The following RET variants were observed in gnomAD, a reference collection of about 807,000 sequenced individuals.
RET encodes proto-oncogene tyrosine-protein kinase receptor Ret.
A neutral mutation model predicts 118.3 loss-of-function variants in RET; 19 were observed. The observed-to-expected ratio is 0.16, with a 90% CI of 0.11 to 0.24. The LOEUF is 0.24. RET is among the 10% of genes least tolerant of loss of function. The pLI is 1.00. For synonymous variants in RET, 597 were observed against 644.1 expected (o/e 0.93, Z 1.11); for missense variants, 1,219 against 1,502.1 (o/e 0.81, Z 3.12).
At chr10:43,077,854 A>G (rs1837085237) in intron 1 of RET, among the ~76,000 whole-genome samples, 1 of 152,162 alleles carries the variant, frequency 6.6e-6, no homozygotes, top group African/African-American at 2.4e-5. Flanking sequence ...GCTCTTTTGA[A>G]AAGATTGCTT....
chr10:43,102,878 C>T (rs1588864375), intron 3 of RET: 5 of 582,588 alleles, frequency 8.6e-6, no homozygotes, highest in East Asian at 2.9e-5. Context: ...GCAGACAGAG[C>T]GTCTGAGCAT....
intron 5 of RET, among the ~76,000 whole-genome samples, chr10:43,107,744 A>G (rs1837817798): frequency 6.6e-6 from 1 of 152,170 alleles, no homozygotes; most frequent in Non-Finnish European, 1.5e-5. Context: ...GTGGAGTTAC[A>G]GTTTGCTTTT....
intron 15 of RET, 121 bp from the exon 16 acceptor site, chr10:43,121,825 G>A: frequency 1.3e-6 from 1 of 777,652 alleles, no homozygotes; most frequent in Non-Finnish European, 2.4e-6. Context: ...CTGTGCCCAG[G>A]AGTGTCTACA....
chr10:43,102,159 G>A, intron 2 of RET, 183 bp from the exon 3 acceptor site: 1 of 719,128 alleles, frequency 1.4e-6, no homozygotes, highest in Non-Finnish European at 2.4e-6. Flanking sequence ...CATTGGTGCT[G>A]GGCAGCAGGG....
intron 1 of RET, among the ~76,000 whole-genome samples, chr10:43,099,871 C>T (rs960513555): frequency 2.6e-5 from 4 of 152,230 alleles, no homozygotes; most frequent in African/African-American, 9.6e-5. Context: ...TTTTCCATTG[C>T]TGGGCAGGAT....
chr10:43,127,379 G>A, intron 19 of RET: 1 of 1,063,526 alleles, frequency 9.4e-7, no homozygotes. Flanking sequence ...TATGAAGTCA[G>A]TGCTAAAGCT....
Position 43,128,930 on chromosome 10 carries a change from G to T in RET, c.*661G>T, listed in dbSNP as rs1838391752. 1 of 239,862 alleles carries T rather than the reference G, an allele frequency of 4.2e-6. No homozygotes were observed. The highest frequency in any genetic ancestry group is 8.2e-6 in the Non-Finnish European group (1 of 121,838). 14.9% of individuals were successfully genotyped at this position (239,862 alleles called of 1,614,324 possible). ...TTCATCATGATTAAGATGATTCCTA[G>T]ATTTAGCACAATGGAGAGATTCCAT... On this transcript the variant is annotated 3_prime_UTR_variant, in exon 20 of 20. Transcript: ENST00000355710.
rs2132768674 is a variant in RET at position 43,111,293 on chromosome 10, C to T, written c.1350C>T (p.Ser450=). ...TGCATTCCTCTGGTGCCAACTGCAG[C>T]ACGCTAGGGGTGGTCACCTCAGCCG... is the stretch of plus-strand genomic sequence containing the variant. The part of the protein sequence containing the change: ...YKLHSSGANC[S]TLGVVTSAED... The change falls in exon 7 of 20, where the codon AGC becomes AGT. Residue 450 remains serine, a synonymous_variant. Transcript: ENST00000355710. The T allele has an allele frequency of 6.2e-7, 1 of 1,614,186 alleles. No homozygotes were observed. Among genetic ancestry groups the T allele is most frequent in the Non-Finnish European group, 8.5e-7 (1 of 1,180,048 alleles).
chr10:43,112,820 C>T (rs1837970386), intron 8 of RET, 33 bp from the exon 9 acceptor site: 2 of 1,581,804 alleles, frequency 1.3e-6, no homozygotes, highest in Middle Eastern at 1.7e-4. Flanking sequence ...GGGGCTCCCA[C>T]ATGGGTGACA....
chr10:43,077,971 C>G (rs72781212), intron 1 of RET, among the ~76,000 whole-genome samples: 1 of 152,232 alleles, frequency 6.6e-6, no homozygotes, highest in African/African-American at 2.4e-5. Flanking sequence ...CCCGGCAGCC[C>G]TGGAGTCGTG....
At chr10:43,080,743 G>A (rs1465544692) in intron 1 of RET, among the ~76,000 whole-genome samples, 6 of 152,256 alleles carry the variant, frequency 3.9e-5, no homozygotes, top group African/African-American at 1.4e-4. Flanking sequence ...GTCAGCTTTA[G>A]TTGATGTCTG....
Position 43,124,923 on chromosome 10 carries a change from A to C in RET, c.2980A>C (p.Lys994Gln), listed in dbSNP as rs1490223704. ...MLQCWKQEPD[K>Q]RPVFADISKD... Reference sequence around the variant, plus strand: ...GCAATGCTGGAAGCAGGAGCCGGACAAAAGGCCGGTGTTTGCGGACATCAG... The same window carrying C: ...GCAATGCTGGAAGCAGGAGCCGGACCAAAGGCCGGTGTTTGCGGACATCAG... The change falls in exon 18 of 20, where the codon AAA (lysine) becomes CAA (glutamine). Residue 994 changes from lysine to glutamine, a missense_variant. Lys to Gln is a moderately conservative substitution (Grantham distance 53, BLOSUM62 1). Around this residue, in one of 5 missense-constraint regions of RET, gnomAD observed 174 missense variants for 179.3 expected, o/e 0.97. Transcript: ENST00000355710. 1 of 1,614,224 alleles carries C rather than the reference A, an allele frequency of 6.2e-7. No individual in the cohort carries two copies. Among genetic ancestry groups the C allele is most frequent in the Non-Finnish European group, 8.5e-7 (1 of 1,180,036 alleles).
chr10:43,123,798 A>C lies in RET; in HGVS notation c.2929A>C (p.Ser977Arg). 2 of 1,614,106 alleles carry C rather than the reference A, an allele frequency of 1.2e-6. No homozygotes were observed. Among genetic ancestry groups the C allele is most frequent in the African/African-American group, 2.7e-5 (2 of 75,054 alleles). Residue 977 changes from serine to arginine, a missense_variant, in exon 17 of 20, where the codon AGC becomes CGC. By Grantham distance (110) the Ser-to-Arg change is moderately radical (BLOSUM62 -1). This residue lies in a region of RET where 174 missense variants were observed against 179.3 expected (regional missense o/e 0.97). Transcript: ENST00000355710. ...GHRMERPDNC[S>R]EEMYRLMLQC... The stretch of plus-strand genomic sequence containing the variant: ...CCGGATGGAGAGGCCAGACAACTGC[A>C]GCGAGGAGATGTGAGCGGGGACTGG...
chr10:43,110,520 C>A (rs1377177132), intron 6 of RET, among the ~76,000 whole-genome samples: 10 of 152,180 alleles, frequency 6.6e-5, no homozygotes, highest in African/African-American at 2.4e-4. Flanking sequence ...TGAAAGAATT[C>A]AGCTGCCTGA....
rs1303761164 is a variant in RET, at chr10:43,104,965, C to T, written c.639C>T (p.Pro213=). ...CTTGGTGCGCAGGTGAGGGTCTGCC[C>T]TTCCGCTGCGCCCCGGACAGCCTGG... is the stretch of plus-strand genomic sequence containing the variant. ...AYRLLEGEGL[P]FRCAPDSLEV... is the part of the protein sequence containing the mutation. The change falls in exon 4 of 20, where the codon CCC becomes CCT. Residue 213 remains proline (P), a synonymous_variant. Coordinates refer to ENST00000355710, the MANE Select transcript of RET (RefSeq NM_020975.6). The T allele has an allele frequency of 1.3e-6, 2 of 1,569,176 alleles. No individual in the cohort carries two copies. Among genetic ancestry groups the T allele is most frequent in the African/African-American group, 2.7e-5 (2 of 74,406 alleles).
At chr10:43,102,996 C>T (rs979740212) in intron 3 of RET, among the ~76,000 whole-genome samples, 5 of 146,930 alleles carry the variant, frequency 3.4e-5, no homozygotes, top group African/African-American at 1.2e-4. Context: ...ATTCCTCTAT[C>T]GTAAATTGGG....
chr10:43,089,919 C>T (rs935732268), intron 1 of RET, among the ~76,000 whole-genome samples: 1 of 152,190 alleles, frequency 6.6e-6, no homozygotes, highest in African/African-American at 2.4e-5. Flanking sequence ...GGGCAGAGAT[C>T]GGGGCTGGGA....
In RET at chr10:43,106,460, C is replaced by T. The variant is rs1235573033; in HGVS notation, c.952C>T (p.Leu318=). 1 of 1,613,504 alleles carries T rather than the reference C, an allele frequency of 6.2e-7. No individual in the cohort carries two copies. The highest frequency in any genetic ancestry group is 1.7e-4 in the Middle Eastern group (1 of 6,050). The change falls in exon 5 of 20, where the codon CTG becomes TTG. Residue 318 remains leucine (L), a synonymous_variant. Coordinates refer to ENST00000355710, the MANE Select transcript of RET (RefSeq NM_020975.6). This position sits in a 1 kb window ranked among gnomAD's most constrained non-coding sequence, Gnocchi z 5.1. ...GCTGGTGAGGCGGTACACAAGCACG[C>T]TGCTCCCCGGGGACACCTGGGCCCA... is the stretch of plus-strand genomic sequence containing the variant. ...GELVRRYTST[L]LPGDTWAQQT...
At chr10:43,096,332 C>T (rs114212651) in intron 1 of RET, among the ~76,000 whole-genome samples, 177 of 152,266 alleles carry the variant, frequency 1.2e-3, no homozygotes, top group African/African-American at 3.9e-3. Context: ...CTGGCAGGCT[C>T]AGCACCTGCT....
Sources: gnomAD v4.1 joint callset for allele counts (sites outside exome capture counted in the v4.1 genomes callset) on GRCh38, gnomAD v4.1.1 for gene constraint, gnomAD v4.1.1 regional missense constraint, Gnocchi (gnomAD v3.1) non-coding constraint, MANE v1.5 for transcripts, NCBI Gene and HGNC (gene_info 2026-07-23, HGNC 2026-07-21) for gene names.